The following ATXN7L1 variants were observed in gnomAD, a reference collection of about 807,000 sequenced individuals.
The protein encoded by ATXN7L1 is ataxin-7-like protein 1.
ATXN7L1 carries 15 observed loss-of-function variants against 70.8 expected under a neutral mutation model. That is an observed-to-expected ratio of 0.21 (90% CI 0.14 to 0.33). ATXN7L1 has a LOEUF of 0.33. Among genes scored for constraint, ATXN7L1 ranks in the 10% least tolerant of loss-of-function variants. The probability of loss-of-function intolerance (pLI) is 1.00; values close to 1 mark genes in which losing one functional copy is unlikely to be tolerated. For missense variants in ATXN7L1, 975 were observed against 1,097.1 expected (o/e 0.89, Z 1.57); for synonymous variants, 440 against 445.1 (o/e 0.99, Z 0.14).
chr7:105,735,879 C>G (rs768822220), intron 3 of ATXN7L1, among the ~76,000 whole-genome samples: 2 of 152,118 alleles, frequency 1.3e-5, no homozygotes, highest in Non-Finnish European at 2.9e-5. Flanking sequence ...CTATATTAAT[C>G]AAGCCTAAGC....
intron 7 of ATXN7L1, among the ~76,000 whole-genome samples, chr7:105,629,826 A>G (rs568807341): frequency 1.5e-5 from 2 of 132,008 alleles, no homozygotes; most frequent in African/African-American, 2.9e-5. Context: ...TCTTATTATT[A>G]TTTTTTTTTG....
At chr7:105,680,448 A>G (rs775609155) in intron 3 of ATXN7L1, among the ~76,000 whole-genome samples, 1 of 152,212 alleles carries the variant, frequency 6.6e-6, no homozygotes, top group Non-Finnish European at 1.5e-5. Flanking sequence ...AGAATTGAGG[A>G]GAATTCATCA....
At chr7:105,865,810 A>G (rs180907426) in intron 2 of ATXN7L1, among the ~76,000 whole-genome samples, 117 of 152,066 alleles carry the variant, frequency 7.7e-4, no homozygotes, top group Non-Finnish European at 4.7e-4. Flanking sequence ...ATCTTCCCCA[A>G]CTGAAACTCT....
At chr7:105,766,223 G>A (rs918302668) in intron 3 of ATXN7L1, among the ~76,000 whole-genome samples, 1 of 150,710 alleles carries the variant, frequency 6.6e-6, no homozygotes, top group Admixed American at 6.7e-5. Flanking sequence ...TGGCTTTATC[G>A]ATATATAAGC....
At chr7:105,734,772 C>T (rs117882691) in intron 3 of ATXN7L1, among the ~76,000 whole-genome samples, 275 of 151,130 alleles carry the variant, frequency 1.8e-3, no homozygotes, top group Non-Finnish European at 3.4e-3. Context: ...GGAAGATATT[C>T]TAAGTCTTCC....
chr7:105,611,816 C>T (rs895479264), intron 10 of ATXN7L1, among the ~76,000 whole-genome samples: 2 of 152,176 alleles, frequency 1.3e-5, no homozygotes, highest in Admixed American at 6.5e-5. Flanking sequence ...TGCGTTGCCC[C>T]GACCCCGATC....
intron 3 of ATXN7L1, among the ~76,000 whole-genome samples, chr7:105,696,109 C>T (rs1791669491): frequency 1.3e-5 from 2 of 152,176 alleles, no homozygotes; most frequent in Admixed American, 1.3e-4. Flanking sequence ...GAAAGTACAA[C>T]ACAAGAAAAC....
intron 4 of ATXN7L1, among the ~76,000 whole-genome samples, chr7:105,650,556 T>C (rs1799681009): frequency 6.6e-6 from 1 of 152,204 alleles, no homozygotes; most frequent in Non-Finnish European, 1.5e-5. Flanking sequence ...GACCACACAG[T>C]TACCAGGTGA....
chr7:105,813,134 A>G (rs1808668558), intron 2 of ATXN7L1, among the ~76,000 whole-genome samples: 1 of 152,156 alleles, frequency 6.6e-6, no homozygotes, highest in African/African-American at 2.4e-5. Flanking sequence ...CTTCATGTGG[A>G]TTCCATCTTT....
chr7:105,624,355 A>G, intron 7 of ATXN7L1, 88 bp from the exon 8 acceptor site: 1 of 1,235,304 alleles, frequency 8.1e-7, no homozygotes, highest in Non-Finnish European at 1.0e-6. Flanking sequence ...GGTGCTCAGA[A>G]AACAGCCTGA....
rs868299891 is a variant in ATXN7L1, at chr7:105,660,991, T to C, written c.578+4075A>G. On this transcript the variant is annotated intron_variant, in intron 4 of 11. Transcript: ENST00000419735. ...TATCACTTTGTACTGTGTTAGCTTA[T>C]GTTTCTATTTACAGACTCCCTAAGA... Among the ~76,000 whole-genome samples the C allele has an allele frequency of 2.0e-5, 3 of 152,316 alleles. No homozygotes were observed. In the Middle Eastern group the frequency reaches 0.01, roughly 518 times the overall value.
intron 4 of ATXN7L1, among the ~76,000 whole-genome samples, chr7:105,646,129 T>C (rs1274816178): frequency 2.6e-5 from 4 of 151,056 alleles, no homozygotes; most frequent in Admixed American, 6.6e-5. Flanking sequence ...CCGGGCAACA[T>C]AGCGAGACCA....
At chr7:105,636,394 C>CA (rs1217878273) in intron 7 of ATXN7L1, among the ~76,000 whole-genome samples, 17,435 of 86,324 alleles carry the variant, frequency 0.2, 1,411 homozygotes, top group South Asian at 0.37. Context: ...AACTCTGTCT[C>CA]AAAAAAAAAA....
intron 7 of ATXN7L1, among the ~76,000 whole-genome samples, chr7:105,636,327 G>A (rs1157309336): frequency 1.3e-5 from 2 of 151,678 alleles, no homozygotes; most frequent in Non-Finnish European, 2.9e-5. Flanking sequence ...CCCGGGAGGC[G>A]GAGGTTGCAG....
At chr7:105,797,749 A>C (rs900185828) in intron 2 of ATXN7L1, among the ~76,000 whole-genome samples, 1 of 152,192 alleles carries the variant, frequency 6.6e-6, no homozygotes, top group African/African-American at 2.4e-5. Context: ...TCCTCAGGGA[A>C]GCCTCCCTCT....
At chr7:105,619,530 ATTTTTTTTTTTTTTTTT>A (rs10593739) in intron 9 of ATXN7L1, among the ~76,000 whole-genome samples, 909 of 14,632 alleles carry the variant, frequency 0.062, 31 homozygotes, top group Middle Eastern at 0.12. Context: ...ATATATATAT[ATTTTTTTTTTTTTTTTT>A]TTTTTTTTTT....
chr7:105,627,616 C>A (rs1795909949), intron 7 of ATXN7L1, among the ~76,000 whole-genome samples: 1 of 151,600 alleles, frequency 6.6e-6, no homozygotes, highest in Non-Finnish European at 1.5e-5. Context: ...ACTGCAACCT[C>A]CACCTCCCAG....
rs999779386 is a variant in ATXN7L1 at position 105,607,661 on chromosome 7, A to C, written c.*191T>G. 1.7e-6 allele frequency: 1 copy of C among 581,450 alleles called. No homozygotes were observed. Among genetic ancestry groups the C allele is most frequent in the Non-Finnish European group, 3.1e-6 (1 of 322,438 alleles). 36.0% of individuals were successfully genotyped at this position (581,450 alleles called of 1,614,324 possible). A position where few individuals can be genotyped will look rare whatever the true frequency, so the allele number is the denominator to read the frequency against. ...CTGGAACTGTTTTCTGTAAATCTCA[A>C]ATTCACCTTCTTTTGCCTTTTTAAC... is the stretch of plus-strand genomic sequence containing the variant. On this transcript the variant is annotated 3_prime_UTR_variant, in exon 12 of 12. Transcript: ENST00000419735.
intron 2 of ATXN7L1, among the ~76,000 whole-genome samples, chr7:105,825,889 T>C (rs1810797118): frequency 6.6e-6 from 1 of 152,116 alleles, no homozygotes; most frequent in Non-Finnish European, 1.5e-5. Context: ...TTTACAAGCT[T>C]GATGTAACCA....
Sources: gnomAD v4.1 joint callset for allele counts (sites outside exome capture counted in the v4.1 genomes callset) on GRCh38, gnomAD v4.1.1 for gene constraint, MANE v1.5 for transcripts, NCBI Gene and HGNC (gene_info 2026-07-23, HGNC 2026-07-21) for gene names.